Variants in AGBL4 observed in about 807,000 individuals in gnomAD.
AGBL4 encodes the protein cytosolic carboxypeptidase 6.
In AGBL4, 58 loss-of-function variants were observed where a neutral mutation model predicts 66.4. The observed-to-expected ratio is 0.87, with a 90% CI of 0.71 to 1.09. The LOEUF (loss-of-function observed/expected upper bound fraction) is 1.09, where lower values mean the gene tolerates loss of function less well. Ranked by LOEUF, AGBL4 falls within the 50% of genes least tolerant of loss-of-function variation. AGBL4 has a pLI of 0.00. For missense variants in AGBL4, 579 were observed against 631.0 expected, an observed-to-expected ratio of 0.92 and a Z score of 0.88; for synonymous variants, 234 against 222.9, an observed-to-expected ratio of 1.05 and a Z score of -0.44.
chr1:49,261,865 CA>C (rs1489547833), intron 3 of AGBL4, among the ~76,000 whole-genome samples: 1 of 149,730 alleles, frequency 6.7e-6, no homozygotes, highest in African/African-American at 2.5e-5. Flanking sequence ...AATCCTAAGC[CA>C]AAAGAACAAA....
chr1:49,593,647 C>T (rs533787180), intron 3 of AGBL4, among the ~76,000 whole-genome samples: 15 of 152,282 alleles, frequency 9.9e-5, no homozygotes, highest in Non-Finnish European at 1.9e-4. Flanking sequence ...CCCAGCGCTA[C>T]TTATTGTCTT....
intron 4 of AGBL4, among the ~76,000 whole-genome samples, chr1:49,141,322 G>A (rs901551970): frequency 6.6e-6 from 1 of 151,900 alleles, no homozygotes; most frequent in Non-Finnish European, 1.5e-5. Flanking sequence ...CAAAGTCTAG[G>A]TGTAAATCAG....
intron 3 of AGBL4, among the ~76,000 whole-genome samples, chr1:49,306,790 CTATT>C (rs1030779184): frequency 3.9e-5 from 6 of 152,132 alleles, no homozygotes; most frequent in African/African-American, 9.7e-5. Flanking sequence ...AGTCATGGGA[CTATT>C]TATTTCCTGT....
At chr1:49,572,445 T>C (rs1644350164) in intron 3 of AGBL4, among the ~76,000 whole-genome samples, 2 of 152,326 alleles carry the variant, frequency 1.3e-5, no homozygotes, top group South Asian at 4.1e-4. Context: ...TATTTAGGTA[T>C]TCCTCTTCTT....
intron 3 of AGBL4, among the ~76,000 whole-genome samples, chr1:49,316,218 C>G (rs1257687944): frequency 6.6e-6 from 1 of 151,912 alleles, no homozygotes; most frequent in Non-Finnish European, 1.5e-5. Context: ...TTGTTAAAAT[C>G]CATAAAATGT....
intron 1 of AGBL4, among the ~76,000 whole-genome samples, chr1:49,982,783 C>CT (rs944812021): frequency 3.9e-5 from 6 of 152,168 alleles, no homozygotes; most frequent in African/African-American, 1.4e-4. Flanking sequence ...GGGCTACCCA[C>CT]TCCAGGGTCT....
intron 3 of AGBL4, among the ~76,000 whole-genome samples, chr1:49,539,766 G>C (rs1213174856): frequency 6.6e-6 from 1 of 152,212 alleles, no homozygotes; most frequent in African/African-American, 2.4e-5. Context: ...AGTAGCCAAA[G>C]AAGGCTTGCC....
At chr1:49,322,840 G>C (rs942837772) in intron 3 of AGBL4, among the ~76,000 whole-genome samples, 2 of 152,158 alleles carry the variant, frequency 1.3e-5, no homozygotes, top group African/African-American at 4.8e-5. Flanking sequence ...GCATTATCCT[G>C]AGAAAACTAA....
intron 1 of AGBL4, among the ~76,000 whole-genome samples, chr1:49,863,712 A>G (rs1646631706): frequency 6.6e-6 from 1 of 152,206 alleles, no homozygotes; most frequent in Non-Finnish European, 1.5e-5. Context: ...CAAAGAAATG[A>G]AAATCAACAC....
chr1:49,249,045 T>C (rs1381979605), intron 3 of AGBL4, among the ~76,000 whole-genome samples: 4 of 152,132 alleles, frequency 2.6e-5, no homozygotes, highest in Non-Finnish European at 5.9e-5. Context: ...ATGTGAAAGC[T>C]CCATTCCAGG....
Position 49,139,632 on chromosome 1 carries a change from G to A in AGBL4, c.378-93832C>T, listed in dbSNP as rs562568321. On this transcript the variant is annotated intron_variant, in intron 4 of 13. Transcript: ENST00000371839. ...ATAACTGGACAGCAGTTACAGCACTGTATGTATAATAATTGGTACTGGATA... is the reference window on the plus strand; with the variant it reads ...ATAACTGGACAGCAGTTACAGCACTATATGTATAATAATTGGTACTGGATA... Among the ~76,000 whole-genome samples, 8 of 152,238 alleles carry A rather than the reference G, an allele frequency of 5.3e-5. No homozygotes were observed. The East Asian group carries it at 1.5e-3, about 29-fold the overall frequency.
intron 9 of AGBL4, among the ~76,000 whole-genome samples, chr1:48,626,972 G>A (rs575204361): frequency 6.6e-6 from 1 of 152,206 alleles, no homozygotes; most frequent in Admixed American, 6.5e-5. Flanking sequence ...AGAATGCCAT[G>A]GCTATGGCCT....
intron 4 of AGBL4, among the ~76,000 whole-genome samples, chr1:49,127,912 A>T (rs1320746721): frequency 1.3e-5 from 2 of 152,124 alleles, no homozygotes; most frequent in African/African-American, 4.8e-5. Context: ...AACAATGTAA[A>T]CTCTACAATG....
chr1:48,942,716 GA>G (rs1174092776), intron 5 of AGBL4, among the ~76,000 whole-genome samples: 1 of 152,048 alleles, frequency 6.6e-6, no homozygotes, highest in African/African-American at 2.4e-5. Flanking sequence ...AGAGTAGTGA[GA>G]AAAAAATTAG....
chr1:49,852,726 T>C (rs12031362), intron 1 of AGBL4, among the ~76,000 whole-genome samples: 60,941 of 151,964 alleles, frequency 0.4, 15,560 homozygotes, highest in Non-Finnish European at 0.57. Flanking sequence ...ATATTATTCA[T>C]CACTATAAAT....
chr1:49,253,112 A>C (rs1439556430), intron 3 of AGBL4, among the ~76,000 whole-genome samples: 1 of 152,186 alleles, frequency 6.6e-6, no homozygotes, highest in Non-Finnish European at 1.5e-5. Flanking sequence ...CTCAGAGTGG[A>C]AGCTGGATAA....
intron 3 of AGBL4, among the ~76,000 whole-genome samples, chr1:49,483,786 A>C (rs1160154671): frequency 6.6e-6 from 1 of 152,044 alleles, no homozygotes; most frequent in Non-Finnish European, 1.5e-5. Flanking sequence ...ACTTATGCAC[A>C]GTATAGGAAA....
chr1:49,395,884 T>C (rs779524791), intron 3 of AGBL4, among the ~76,000 whole-genome samples: 45 of 143,362 alleles, frequency 3.1e-4, no homozygotes, highest in Non-Finnish European at 5.0e-4. Flanking sequence ...TAGCCAGTGG[T>C]CCATATATCA....
intron 2 of AGBL4, among the ~76,000 whole-genome samples, chr1:49,834,310 G>A (rs1645785222): frequency 1.3e-5 from 2 of 152,096 alleles, no homozygotes; most frequent in African/African-American, 4.8e-5. Flanking sequence ...TTTAGTCTTG[G>A]GAGGGTGTAT....
Sources: allele counts gnomAD v4.1 joint callset (sites outside exome capture counted in the v4.1 genomes callset), GRCh38; gene constraint gnomAD v4.1.1; transcripts MANE v1.5; gene names NCBI Gene and HGNC (gene_info 2026-07-23, HGNC 2026-07-21).